The following CACNG7 variants were observed in gnomAD, a reference collection of about 807,000 sequenced individuals.
CACNG7 encodes voltage-dependent calcium channel gamma-7 subunit.
Under a neutral mutation model 26.3 loss-of-function variants are expected in CACNG7, and 9 were observed. The observed-to-expected ratio is 0.34, with a 90% CI of 0.21 to 0.60. The LOEUF (loss-of-function observed/expected upper bound fraction) is 0.60, where lower values mean the gene tolerates loss of function less well. Ranked by LOEUF, CACNG7 falls within the 20% of genes least tolerant of loss-of-function variation. The pLI, the probability that CACNG7 is intolerant of heterozygous loss-of-function variation, is 0.81. For missense variants in CACNG7, 297 were observed against 380.4 expected (o/e 0.78, Z 1.82); for synonymous variants, 170 against 157.0 (o/e 1.08, Z -0.62).
chr19:53,942,505 A>C lies in CACNG7; in HGVS notation c.*212A>C, dbSNP rs1324055026. ...CCTCTTTTCCCGACCTCTCCTTTTC[A>C]TTGGTCCCTCTCACTCCCAAATGAC... On this transcript the variant is annotated 3_prime_UTR_variant, in exon 6 of 6. Coordinates refer to ENST00000391767, the MANE Select transcript of CACNG7 (RefSeq NM_031896.5). The surrounding 1 kb of genome is among the most constrained non-coding windows in gnomAD (Gnocchi z 5.9). 1.4e-6 allele frequency: 2 copies of C among 1,411,006 alleles called. No individual in the cohort carries two copies. The highest frequency in any genetic ancestry group is 1.8e-6 in the Non-Finnish European group (2 of 1,086,286). 87.4% of individuals were successfully genotyped at this position (1,411,006 alleles called of 1,614,324 possible). A position where few individuals can be genotyped will look rare whatever the true frequency, so the allele number is the denominator to read the frequency against.
At chr19:53,910,888 G>C (rs1479920986) in intron 1 of CACNG7, among the ~76,000 whole-genome samples, 1 of 152,120 alleles carries the variant, frequency 6.6e-6, no homozygotes, top group East Asian at 1.9e-4. Flanking sequence ...GGAAACCGGG[G>C]TCCAGAACCT....
chr19:53,921,925 GTTGTCCCC>G lies in CACNG7; in HGVS notation c.424+6421_424+6428del, dbSNP rs1359288669. Among the ~76,000 whole-genome samples the G allele has an allele frequency of 1.5e-3, 163 of 105,872 alleles. 13 individuals are homozygous for G. The highest frequency in any genetic ancestry group is 7.0e-3 in the African/African-American group (143 of 20,454). 69.5% of individuals were successfully genotyped at this position (105,872 alleles called of 152,430 possible). ...TGTCCCCAGGTCTGGTATTGGTGGAGTTGTCCCCAGGTCTGGTCATTGGTGGAGTTGCC... is the reference window on the plus strand; with the variant it reads ...TGTCCCCAGGTCTGGTATTGGTGGAGAGGTCTGGTCATTGGTGGAGTTGCC... On this transcript the variant is annotated intron_variant, in intron 4 of 5. Transcript: ENST00000391767.
chr19:53,925,669 A>C (rs1194507668), intron 4 of CACNG7, among the ~76,000 whole-genome samples: 1 of 152,200 alleles, frequency 6.6e-6, no homozygotes, highest in African/African-American at 2.4e-5. Context: ...GGAAGGGCTC[A>C]GGCAGGAGGA....
chr19:53,925,722 G>T (rs964723939), intron 4 of CACNG7, among the ~76,000 whole-genome samples: 1 of 152,256 alleles, frequency 6.6e-6, no homozygotes, highest in Non-Finnish European at 1.5e-5. Context: ...AGGGACCTCT[G>T]CTGGGGATGG....
intron 4 of CACNG7, among the ~76,000 whole-genome samples, chr19:53,929,950 A>G (rs1426072483): frequency 6.6e-6 from 1 of 152,122 alleles, no homozygotes. Context: ...ATGGAGAATA[A>G]TAAAAAACAA....
intron 4 of CACNG7, among the ~76,000 whole-genome samples, chr19:53,936,898 C>T (rs572935584): frequency 5.9e-5 from 9 of 151,666 alleles, no homozygotes; most frequent in East Asian, 3.9e-4. Flanking sequence ...CATGAGCCAC[C>T]GTGCCCAGCC....
rs1454319654 is a variant in CACNG7 at position 53,941,421 on chromosome 19, A to G, written c.425-49A>G. 3 of 1,475,898 alleles carry G rather than the reference A, an allele frequency of 2.0e-6. No homozygotes were observed. The African/African-American group carries it at 4.4e-5, about 22-fold the overall frequency. The allele number at this position is 1,475,898 out of a possible 1,614,324, so 91.4% of individuals were successfully genotyped here. A position where few individuals can be genotyped will look rare whatever the true frequency, so the allele number is the denominator to read the frequency against. Reference sequence around the variant, plus strand: ...GCAGTGAGGTGGGGCTGGGGCTGGGAAAAGGGGCCCACTTCTAATGGACGA... The same window carrying G: ...GCAGTGAGGTGGGGCTGGGGCTGGGGAAAGGGGCCCACTTCTAATGGACGA... On this transcript the variant is annotated intron_variant, in intron 4 of 5. Transcript: ENST00000391767.
chr19:53,936,873 T>C (rs991377773), intron 4 of CACNG7, among the ~76,000 whole-genome samples: 1 of 151,950 alleles, frequency 6.6e-6, no homozygotes, highest in Admixed American at 6.6e-5. Flanking sequence ...CCTCCCAAAA[T>C]GCAGAGATTA....
chr19:53,915,445 C>T lies in CACNG7; in HGVS notation c.364C>T (p.His122Tyr). The T allele has an allele frequency of 1.9e-6, 3 of 1,614,140 alleles. No individual in the cohort carries two copies. The highest frequency in any genetic ancestry group is 2.5e-6 in the Non-Finnish European group (3 of 1,180,038). The change falls in exon 4 of 6, where the codon CAC becomes TAC. Residue 122 changes from histidine (H) to tyrosine (Y), a missense_variant. Coordinates refer to ENST00000391767, the MANE Select transcript of CACNG7 (RefSeq NM_031896.5). ...FTAFVISNIG[H>Y]IRPQRTILAF... ...GGCCTTCGTCATCAGCAACATCGGC[C>T]ACATCCGCCCGCAGAGGACCATTCT...
chr19:53,941,923 G>C, intron 5 of CACNG7, 113 bp from the exon 6 acceptor site: 1 of 1,344,674 alleles, frequency 7.4e-7, no homozygotes, highest in Non-Finnish European at 9.9e-7. Flanking sequence ...TGGGTCCTGG[G>C]ATAGGAAGGG....
At chr19:53,914,445 C>G in intron 2 of CACNG7, 55 bp from the exon 3 acceptor site, 2 of 1,516,110 alleles carry the variant, frequency 1.3e-6, no homozygotes, top group Non-Finnish European at 1.8e-6. Flanking sequence ...CACCCCCAGC[C>G]TCTCTAGAGC....
intron 4 of CACNG7, among the ~76,000 whole-genome samples, chr19:53,924,149 C>A (rs1490676179): frequency 2.7e-5 from 4 of 147,072 alleles, no homozygotes; most frequent in African/African-American, 5.2e-5. Flanking sequence ...GGACTTGCCC[C>A]AGGTCTGGTC....
chr19:53,923,413 G>GTCCCCAGGTCTGGTACTGGTGGAGTTT (rs2068983579), intron 4 of CACNG7, among the ~76,000 whole-genome samples: 2 of 88,234 alleles, frequency 2.3e-5, no homozygotes, highest in African/African-American at 1.0e-4. Context: ...TGGTGGAGTT[G>GTCCCCAGGTCTGGTACTGGTGGAGTTT]TCCCCAGGTC....
intron 4 of CACNG7, among the ~76,000 whole-genome samples, chr19:53,923,758 G>GAGTTGCCCCAGGTCTGGTCATTGGTGC (rs2068990901): frequency 7.7e-6 from 1 of 129,994 alleles, no homozygotes; most frequent in Admixed American, 7.1e-5. Context: ...GTCATTGGTG[G>GAGTTGCCCCAGGTCTGGTCATTGGTGC]AGTTGCCCCA....
At chr19:53,915,537 C>A in intron 4 of CACNG7, 32 bp downstream of exon 4, 1 of 1,611,078 alleles carries the variant, frequency 6.2e-7, no homozygotes, top group Non-Finnish European at 8.5e-7. Flanking sequence ...TTGGGGGGGA[C>A]CATTTCCAGT....
chr19:53,920,492 GT>G (rs1262332922), intron 4 of CACNG7, among the ~76,000 whole-genome samples: 3 of 36,172 alleles, frequency 8.3e-5, no homozygotes, highest in African/African-American at 2.6e-4. Context: ...GTTGCCCCAG[GT>G]CTGGTCATTG....
At chr19:53,915,566 C>T in intron 4 of CACNG7, 61 bp downstream of exon 4, 1 of 1,590,368 alleles carries the variant, frequency 6.3e-7, no homozygotes, top group African/African-American at 1.3e-5. Flanking sequence ...CCTGTGGTTC[C>T]TTTTCCACTT....
intron 5 of CACNG7, 156 bp downstream of exon 5, chr19:53,941,771 G>C (rs559399924): frequency 2.0e-6 from 2 of 985,300 alleles, no homozygotes; most frequent in East Asian, 2.6e-5. Flanking sequence ...CCTGGAGGAA[G>C]AGGGGTCTGA....
chr19:53,934,857 G>A lies in CACNG7; in HGVS notation c.425-6613G>A, dbSNP rs2069095402. 4.6e-5 allele frequency among the ~76,000 whole-genome samples: 7 copies of A among 151,848 alleles called. No individual in the cohort carries two copies. The South Asian group carries it at 1.2e-3, about 27-fold the overall frequency. ...AAAAAAATCTTGGTTTGGGATACTC[G>A]TATTTTACATTTTTTATTTTGGAGA... On this transcript the variant is annotated intron_variant, in intron 4 of 5. Transcript: ENST00000391767.
Sources: allele counts gnomAD v4.1 joint callset (sites outside exome capture counted in the v4.1 genomes callset), GRCh38; gene constraint gnomAD v4.1.1; non-coding constraint Gnocchi (gnomAD v3.1); transcripts MANE v1.5; gene names NCBI Gene and HGNC (gene_info 2026-07-23, HGNC 2026-07-21).